The following NFAT5 variants were observed in gnomAD, a reference collection of about 807,000 sequenced individuals.
NFAT5 encodes nuclear factor of activated T-cells 5.
Under a neutral mutation model 166.5 loss-of-function variants are expected in NFAT5, and 31 were observed. That is an observed-to-expected ratio of 0.19 (90% confidence interval 0.14 to 0.25). The LOEUF (loss-of-function observed/expected upper bound fraction) is 0.25, where lower values mean the gene tolerates loss of function less well. NFAT5 is among the 10% of genes least tolerant of loss of function. NFAT5 has a pLI of 1.00. For synonymous variants in NFAT5, 612 were observed against 639.7 expected (o/e 0.96, Z 0.65); for missense variants, 1,449 against 1,821.8 (o/e 0.80, Z 3.72).
At chr16:69,649,363 G>A in intron 4 of NFAT5, 1 of 973,456 alleles carries the variant, frequency 1.0e-6, no homozygotes, top group Non-Finnish European at 1.2e-6. Context: ...TTTTACTTAT[G>A]GCTAGTAAAC....
chr16:69,569,515 G>T (rs974107185), intron 2 of NFAT5, among the ~76,000 whole-genome samples: 8 of 152,080 alleles, frequency 5.3e-5, no homozygotes, highest in Admixed American at 5.2e-4. Flanking sequence ...GGTAGTCCGG[G>T]ATAGTGGGGG....
At chr16:69,677,012 A>T in intron 9 of NFAT5, 191 bp from the exon 10 acceptor site, 2 of 528,882 alleles carry the variant, frequency 3.8e-6, no homozygotes, top group South Asian at 5.1e-5. Flanking sequence ...CCATTATAAA[A>T]CACTTGGATT....
chr16:69,687,383 G>A lies in NFAT5; in HGVS notation c.1774+2413G>A, dbSNP rs115095191. ...TTGAATCCAGGAGGCGAAGGTTGTA[G>A]TGAGCCCAGATTGAGCCACTGCACT... On this transcript the variant is annotated intron_variant, in intron 11 of 14. Coordinates refer to ENST00000349945, the MANE Select transcript of NFAT5 (RefSeq NM_138713.4). 5.7e-3 allele frequency among the ~76,000 whole-genome samples: 837 copies of A among 147,856 alleles called. 7 individuals are homozygous for A. Among genetic ancestry groups the A allele is most frequent in the African/African-American group, 0.02 (783 of 40,080 alleles).
intron 2 of NFAT5, among the ~76,000 whole-genome samples, chr16:69,615,869 G>A (rs1460077351): frequency 2.0e-5 from 3 of 151,970 alleles, no homozygotes; most frequent in Non-Finnish European, 4.4e-5. Context: ...GCCTCTCATA[G>A]CTTGCCTCCT....
intron 2 of NFAT5, among the ~76,000 whole-genome samples, chr16:69,585,710 G>A (rs2032013661): frequency 6.6e-6 from 1 of 152,158 alleles, no homozygotes; most frequent in African/African-American, 2.4e-5. Flanking sequence ...CATACGCAAA[G>A]TGAAATAAGC....
At chr16:69,568,797 G>A (rs989642219) in intron 2 of NFAT5, among the ~76,000 whole-genome samples, 1 of 152,058 alleles carries the variant, frequency 6.6e-6, no homozygotes, top group Non-Finnish European at 1.5e-5. Flanking sequence ...TATGTGTTGA[G>A]TGTTCTACTT....
chr16:69,579,510 TTAAC>T (rs1333127033), intron 2 of NFAT5, among the ~76,000 whole-genome samples: 1 of 152,088 alleles, frequency 6.6e-6, no homozygotes, highest in Non-Finnish European at 1.5e-5. Flanking sequence ...TGTCATTAAG[TTAAC>T]TAAATTACCA....
intron 3 of NFAT5, chr16:69,646,685 A>T (rs2035451283): frequency 7.1e-6 from 2 of 282,116 alleles, no homozygotes; most frequent in Admixed American, 1.1e-4. Flanking sequence ...CATATATTTC[A>T]TATTGGGGTT....
intron 9 of NFAT5, among the ~76,000 whole-genome samples, chr16:69,676,185 C>G (rs1389895942): frequency 6.6e-6 from 1 of 152,124 alleles, no homozygotes; most frequent in East Asian, 1.9e-4. Flanking sequence ...AATCACTACC[C>G]TGTGATATCC....
intron 2 of NFAT5, among the ~76,000 whole-genome samples, chr16:69,621,081 C>G (rs539877778): frequency 6.6e-6 from 1 of 152,012 alleles, no homozygotes; most frequent in African/African-American, 2.4e-5. Context: ...TTTCCTGATC[C>G]TCTAGTAGAA....
At position 69,693,556 on chromosome 16, in the gene NFAT5, G is replaced by A; in HGVS notation, c.3731G>A (p.Ser1244Asn). 1 of 1,614,098 alleles carries A rather than the reference G, an allele frequency of 6.2e-7. No individual in the cohort carries two copies. Among genetic ancestry groups the A allele is most frequent in the African/African-American group, 1.3e-5 (1 of 75,024 alleles). ...GSLPPNPMPQ[S>N]QQGTMFQSQH... Reference sequence around the variant, plus strand: ...CTTCCACCTAATCCAATGCCTCAAAGCCAACAAGGAACCATGTTCCAGTCA... The same window carrying A: ...CTTCCACCTAATCCAATGCCTCAAAACCAACAAGGAACCATGTTCCAGTCA... The change falls in exon 13 of 15, where the codon AGC (serine) becomes AAC (asparagine). Residue 1244 changes from serine to asparagine, a missense_variant. This residue lies in a region of NFAT5 where 891 missense variants were observed against 993.0 expected (regional missense o/e 0.90). Coordinates refer to ENST00000349945, the MANE Select transcript of NFAT5 (RefSeq NM_138713.4).
intron 2 of NFAT5, among the ~76,000 whole-genome samples, chr16:69,609,149 G>A (rs866410221): frequency 6.6e-6 from 1 of 151,864 alleles, no homozygotes; most frequent in Non-Finnish European, 1.5e-5. Context: ...TAGGTAATCT[G>A]CAGAAGAAGG....
chr16:69,623,013 T>C (rs1051619749), intron 2 of NFAT5, among the ~76,000 whole-genome samples: 22 of 152,002 alleles, frequency 1.4e-4, no homozygotes, highest in African/African-American at 5.3e-4. Context: ...GGCATAGTGG[T>C]GTATGCCTAT....
At chr16:69,580,162 T>C (rs1032399286) in intron 2 of NFAT5, among the ~76,000 whole-genome samples, 3 of 151,996 alleles carry the variant, frequency 2.0e-5, no homozygotes, top group Admixed American at 6.6e-5. Flanking sequence ...TATTTTAATA[T>C]GTAATGTAAT....
At chr16:69,631,852 GA>G (rs888694872) in intron 3 of NFAT5, among the ~76,000 whole-genome samples, 2 of 152,118 alleles carry the variant, frequency 1.3e-5, no homozygotes, top group Admixed American at 1.3e-4. Flanking sequence ...GTGTACAGTG[GA>G]AATCTTGGTT....
chr16:69,580,395 G>A (rs1363811523), intron 2 of NFAT5, among the ~76,000 whole-genome samples: 2 of 151,792 alleles, frequency 1.3e-5, no homozygotes, highest in Non-Finnish European at 2.9e-5. Context: ...GCCAGGCTTG[G>A]TGGCGTGTGC....
At chr16:69,656,689 T>A (rs932107034) in intron 6 of NFAT5, among the ~76,000 whole-genome samples, 2 of 152,056 alleles carry the variant, frequency 1.3e-5, no homozygotes, top group African/African-American at 4.8e-5. Flanking sequence ...TGACCTCAGG[T>A]AATCCACACA....
At position 69,626,412 on chromosome 16, in the gene NFAT5, A is replaced by C. The variant is rs769251041; in HGVS notation, c.137A>C (p.Tyr46Ser). The C allele has an allele frequency of 1.3e-6, 2 of 1,575,230 alleles. No homozygotes were observed. The highest frequency in any genetic ancestry group is 1.7e-6 in the Non-Finnish European group (2 of 1,164,428). ...TTTCCCCTCCCCACAGAATCTGTCT[A>C]TGATCTTCTCCCAAAGGAGTTACAG... ...HRAGLLEESVYDLLPKELQLP... is the reference protein window; with the variant it reads ...HRAGLLEESVSDLLPKELQLP... The change falls in exon 3 of 15, where the codon TAT (tyrosine) becomes TCT (serine). Residue 46 changes from tyrosine to serine, a missense_variant. This residue lies in a region of NFAT5 where 172 missense variants were observed against 194.5 expected (regional missense o/e 0.88). Transcript: ENST00000349945.
At chr16:69,682,632 G>A (rs945093045) in intron 10 of NFAT5, among the ~76,000 whole-genome samples, 3 of 151,860 alleles carry the variant, frequency 2.0e-5, no homozygotes, top group Non-Finnish European at 2.9e-5. Flanking sequence ...AAAATAATAA[G>A]AAGAATTTAA....
Sources: gnomAD v4.1 joint callset for allele counts (sites outside exome capture counted in the v4.1 genomes callset) on GRCh38, gnomAD v4.1.1 for gene constraint, gnomAD v4.1.1 regional missense constraint, MANE v1.5 for transcripts, NCBI Gene and HGNC (gene_info 2026-07-23, HGNC 2026-07-21) for gene names.